Variants in HERC1 observed in about 807,000 individuals in gnomAD.
HERC1 encodes the protein HECT and RLD domain containing E3 ubiquitin protein ligase family member 1, also known as probable E3 ubiquitin-protein ligase HERC1.
A neutral mutation model predicts 554.3 loss-of-function variants in HERC1; 160 were observed. The observed-to-expected ratio is 0.29, with a 90% CI of 0.25 to 0.33. HERC1 has a LOEUF of 0.33. Among genes scored for constraint, HERC1 ranks in the 10% least tolerant of loss-of-function variants. The probability of loss-of-function intolerance (pLI) is 1.00; values close to 1 mark genes in which losing one functional copy is unlikely to be tolerated. For synonymous variants in HERC1, 2,175 were observed against 2,131.7 expected, an observed-to-expected ratio of 1.02 and a Z score of -0.56; for missense variants, 4,919 against 5,918.5, an observed-to-expected ratio of 0.83 and a Z score of 5.54.
chr15:63,706,913 G>T (rs72750987), intron 24 of HERC1, 82 bp from the exon 25 acceptor site: 12 of 853,378 alleles, frequency 1.4e-5, no homozygotes, highest in South Asian at 1.8e-5. Context: ...TATTAGAATA[G>T]AAATTCATGT....
chr15:63,751,918 G>A (rs1252743014), intron 8 of HERC1, among the ~76,000 whole-genome samples: 1 of 151,806 alleles, frequency 6.6e-6, no homozygotes, highest in African/African-American at 2.4e-5. Context: ...CAATTCTAAT[G>A]ATTATCTTAT....
intron 45 of HERC1, 135 bp from the exon 46 acceptor site, chr15:63,661,160 G>A (rs2070337702): frequency 3.1e-6 from 2 of 652,736 alleles, no homozygotes; most frequent in African/African-American, 1.8e-5. Context: ...TCATGTTATA[G>A]GCTAACATAA....
chr15:63,722,373 T>A (rs1324807406), intron 19 of HERC1, among the ~76,000 whole-genome samples: 1 of 152,224 alleles, frequency 6.6e-6, no homozygotes. Flanking sequence ...CATTAAACCA[T>A]GGCTTGCAAA....
rs777622227 is a variant in HERC1 at position 63,674,537 on chromosome 15, G to C, written c.7651C>G (p.Pro2551Ala). Residue 2551 changes from proline (P) to alanine (A), a missense_variant, in exon 38 of 78, where the codon CCA becomes GCA. By Grantham distance (27) the Pro-to-Ala change is conservative. Transcript: ENST00000443617. The stretch of plus-strand genomic sequence containing the variant: ...ATCTCCACGTCTTCATGAACAACTG[G>C]AGAACTTGCACAGTCTGAGTTGTGG... ...NGHNSDCASS[P>A]VVHEDVEMRA... 11 of 1,613,224 alleles carry C rather than the reference G, an allele frequency of 6.8e-6. No individual in the cohort carries two copies. The highest frequency in any genetic ancestry group is 6.6e-5 in the South Asian group (6 of 90,976).
intron 24 of HERC1, 61 bp from the exon 25 acceptor site, chr15:63,706,892 A>G (rs2073036529): frequency 9.4e-7 from 1 of 1,063,596 alleles, no homozygotes; most frequent in Non-Finnish European, 1.4e-6. Flanking sequence ...TAAGATTAAG[A>G]TTTAATAGAG....
intron 77 of HERC1, among the ~76,000 whole-genome samples, chr15:63,609,562 G>A (rs1053924455): frequency 3.9e-5 from 6 of 152,176 alleles, no homozygotes; most frequent in South Asian, 2.1e-4. Flanking sequence ...TACGCACAGC[G>A]CCTGGCACAG....
In HERC1 at chr15:63,727,957, TG is replaced by T; in HGVS notation, c.3155-120del. ...GTAGACTCATTCAACAACTCTCTGTTGAACACCTACCTGGTAGCTGATGTAG... is the reference window on the plus strand; with the variant it reads ...GTAGACTCATTCAACAACTCTCTGTTAACACCTACCTGGTAGCTGATGTAG... On this transcript the variant is annotated intron_variant, in intron 16 of 77. Coordinates refer to ENST00000443617, the MANE Select transcript of HERC1 (RefSeq NM_003922.4). This position sits in a 1 kb window ranked among gnomAD's most constrained non-coding sequence, Gnocchi z 4.3. 1 of 707,328 alleles carries T rather than the reference TG, an allele frequency of 1.4e-6. No individual in the cohort carries two copies. Among genetic ancestry groups the T allele is most frequent in the Non-Finnish European group, 2.3e-6 (1 of 427,096 alleles). The allele number at this position is 707,328 out of a possible 1,614,324, so 43.8% of individuals were successfully genotyped here. A position where few individuals can be genotyped will look rare whatever the true frequency, so the allele number is the denominator to read the frequency against.
intron 2 of HERC1, among the ~76,000 whole-genome samples, chr15:63,773,984 AAAT>A (rs559156089): frequency 1.6e-4 from 24 of 152,282 alleles, no homozygotes; most frequent in Admixed American, 1.0e-3. Context: ...TATGATAGTC[AAAT>A]AATTAATTTC....
Position 63,774,940 on chromosome 15 carries a change from A to T in HERC1, c.684T>A (p.Phe228Leu). 6.2e-7 allele frequency: 1 copy of T among 1,614,042 alleles called. No homozygotes were observed. The highest frequency in any genetic ancestry group is 8.5e-7 in the Non-Finnish European group (1 of 1,179,894). The change falls in exon 2 of 78, where the codon TTT becomes TTA. Residue 228 changes from phenylalanine (F) to leucine (L), a missense_variant. By Grantham distance (22) the Phe-to-Leu change is conservative. Transcript: ENST00000443617. Reference protein sequence around the residue: ...GLDCLSQVTTFLKGVTIPNSG... With the variant: ...GLDCLSQVTTLLKGVTIPNSG... ...AATTAGGAATAGTGACTCCTTTAAG[A>T]AATGTTGTTACTTGCGATAAGCAGT...
chr15:63,806,348 C>G (rs2077139165), intron 1 of HERC1, among the ~76,000 whole-genome samples: 1 of 152,128 alleles, frequency 6.6e-6, no homozygotes, highest in Admixed American at 6.6e-5. Flanking sequence ...AGGCCTATCT[C>G]AAAGGTGACT....
intron 36 of HERC1, 129 bp from the exon 37 acceptor site, chr15:63,678,494 A>G (rs906609692): frequency 2.8e-6 from 3 of 1,076,084 alleles, no homozygotes; most frequent in South Asian, 1.8e-5. Context: ...AATTATACCA[A>G]CTGGCCCCCA....
At position 63,651,340 on chromosome 15, in the gene HERC1, G is replaced by A; in HGVS notation, c.10459C>T (p.Pro3487Ser). Residue 3487 changes from proline (P) to serine (S), a missense_variant, in exon 53 of 78, where the codon CCA becomes TCA. Pro to Ser is a moderately conservative substitution (Grantham distance 74). This residue lies in a region of HERC1 where 1,963 missense variants were observed against 2,228.6 expected (regional missense o/e 0.88). Transcript: ENST00000443617. The stretch of plus-strand genomic sequence containing the variant: ...CTCCAGGAAACTGGTGAGAAACTTG[G>A]ATCACTGGGTGATCCCAGGCTTTCC... Reference protein sequence around the residue: ...AEESLGSPSDPSFSPVSWSIS... With the variant: ...AEESLGSPSDSSFSPVSWSIS... The A allele has an allele frequency of 6.2e-7, 1 of 1,613,720 alleles. No homozygotes were observed. The highest frequency in any genetic ancestry group is 8.5e-7 in the Non-Finnish European group (1 of 1,179,694).
At chr15:63,684,189 T>G (rs74021317) in intron 34 of HERC1, among the ~76,000 whole-genome samples, 1,620 of 152,288 alleles carry the variant, frequency 0.011, 27 homozygotes, top group African/African-American at 0.037. Flanking sequence ...TGTCCCAACA[T>G]GTTAAGCTTT....
Position 63,744,174 on chromosome 15 carries a change from C to G in HERC1, c.2520+2744G>C, listed in dbSNP as rs368575620. 6.1e-3 allele frequency among the ~76,000 whole-genome samples: 695 copies of G among 113,036 alleles called. 2 individuals carry two copies. Among genetic ancestry groups the G allele is most frequent in the African/African-American group, 0.019 (515 of 26,448 alleles). The allele number at this position is 113,036 out of a possible 152,430, so 74.2% of individuals were successfully genotyped here. A position where few individuals can be genotyped will look rare whatever the true frequency, so the allele number is the denominator to read the frequency against. On this transcript the variant is annotated intron_variant, in intron 12 of 77. Coordinates refer to ENST00000443617, the MANE Select transcript of HERC1 (RefSeq NM_003922.4). The stretch of plus-strand genomic sequence containing the variant: ...TGTGTGTGTGTGTGTGTCTCTCTCT[C>G]TCTCTCTCTCTCTCTCTCTCTCTGT...
At chr15:63,648,299 T>C in intron 54 of HERC1, 100 bp from the exon 55 acceptor site, 3 of 1,211,942 alleles carry the variant, frequency 2.5e-6, no homozygotes, top group South Asian at 1.5e-5. Flanking sequence ...AATGCAACCA[T>C]TGCAAGTAAA....
chr15:63,621,506 C>A (rs1170517325), intron 74 of HERC1, among the ~76,000 whole-genome samples: 1 of 152,096 alleles, frequency 6.6e-6, no homozygotes, highest in Non-Finnish European at 1.5e-5. Flanking sequence ...ATCTCTGTGG[C>A]ATTCTCTGTA....
At chr15:63,627,339 T>C (rs1406646325) in intron 70 of HERC1, among the ~76,000 whole-genome samples, 1 of 152,044 alleles carries the variant, frequency 6.6e-6, no homozygotes, top group East Asian at 1.9e-4. Context: ...TTCTAGTGCC[T>C]TAGACACCAG....
chr15:63,798,261 A>C (rs1445404494), intron 1 of HERC1, among the ~76,000 whole-genome samples: 1 of 152,140 alleles, frequency 6.6e-6, no homozygotes, highest in African/African-American at 2.4e-5. Context: ...ATCTTTCTAC[A>C]AACCAAAATC....
At chr15:63,832,499 G>C (rs1022317616) in intron 1 of HERC1, among the ~76,000 whole-genome samples, 3 of 152,128 alleles carry the variant, frequency 2.0e-5, no homozygotes, top group Non-Finnish European at 4.4e-5. Context: ...GAGGTAAATA[G>C]GTTTCTTCCC....
Sources: gnomAD v4.1 joint callset for allele counts (sites outside exome capture counted in the v4.1 genomes callset) on GRCh38, gnomAD v4.1.1 for gene constraint, gnomAD v4.1.1 regional missense constraint, Gnocchi (gnomAD v3.1) non-coding constraint, MANE v1.5 for transcripts, NCBI Gene and HGNC (gene_info 2026-07-23, HGNC 2026-07-21) for gene names.